Variants in PRSS36 observed in about 807,000 individuals in gnomAD.
The protein encoded by PRSS36 is serine protease 36.
PRSS36 carries 90 observed loss-of-function variants against 94.3 expected under a neutral mutation model. The ratio of observed to expected loss-of-function variants is 0.95; its 90% CI spans 0.80 to 1.14. The LOEUF (loss-of-function observed/expected upper bound fraction) is 1.14. Among genes scored for constraint, PRSS36 ranks in the 50% most tolerant of loss-of-function variants. PRSS36 has a pLI of 0.00. For missense variants in PRSS36, 1,158 were observed against 1,135.0 expected (o/e 1.02, Z -0.29); for synonymous variants, 500 against 489.6 (o/e 1.02, Z -0.28).
chr16:31,142,795 G>T lies in PRSS36; in HGVS notation c.1299C>A (p.His433Gln). The change falls in exon 9 of 15, where the codon CAC (histidine) becomes CAA (glutamine). Residue 433 changes from histidine to glutamine, a missense_variant. Transcript: ENST00000268281. ...TCCCGGGCAGGAAGTAGTGTTCCGG[G>T]TGGGGTAGGCACACGGGCCGCGAAG... Reference protein sequence around the residue: ...SAASRPVCLPHPEHYFLPGSR... With the variant: ...SAASRPVCLPQPEHYFLPGSR... The T allele has an allele frequency of 4.0e-6, 6 of 1,498,814 alleles. No homozygotes were observed. The highest frequency in any genetic ancestry group is 5.3e-6 in the Non-Finnish European group (6 of 1,123,100). 92.8% of individuals were successfully genotyped at this position (1,498,814 alleles called of 1,614,324 possible).
At chr16:31,142,350 C>A in intron 10 of PRSS36, 131 bp downstream of exon 10, 3 of 1,067,546 alleles carry the variant, frequency 2.8e-6, no homozygotes, top group Non-Finnish European at 3.9e-6. Context: ...TCCCTAGAGC[C>A]CACTCGGACC....
Position 31,141,952 on chromosome 16 carries a change from C to T in PRSS36, c.1530G>A (p.Ser510=). 6.2e-7 allele frequency: 1 copy of T among 1,614,042 alleles called. No individual in the cohort carries two copies. The highest frequency in any genetic ancestry group is 1.1e-5 in the South Asian group (1 of 91,090). Residue 510 remains serine, a synonymous_variant, in exon 11 of 15, where the codon TCG becomes TCA. Coordinates refer to ENST00000268281, the MANE Select transcript of PRSS36 (RefSeq NM_173502.5). The stretch of plus-strand genomic sequence containing the variant: ...CCTCCTGGCACAAAAGGCTCCAACG[C>T]GAGTCATTCTGCAGCAACAAAGTGT... ...KEEVGSCWND[S]RWSLLCQEEG... is the part of the protein sequence containing the mutation.
intron 5 of PRSS36, among the ~76,000 whole-genome samples, chr16:31,147,533 T>TGGGTGATGG (rs2057816118): frequency 6.6e-6 from 1 of 152,070 alleles, no homozygotes; most frequent in African/African-American, 2.4e-5. Context: ...ATGGAAAGCT[T>TGGGTGATGG]GGGTGATGGG....
chr16:31,139,357 G>A lies in PRSS36; in HGVS notation c.2349C>T (p.Gly783=), dbSNP rs778727776. Residue 783 remains glycine (G), a synonymous_variant, in exon 15 of 15, where the codon GGC becomes GGT. Transcript: ENST00000268281. ...GCTCCCGGCTCCCTTGAACAGCCAT[G>A]CCCACGAGGATCCAGGACCCTTCCG... The part of the protein sequence containing the change: ...QMTEGSWILV[G]MAVQGSRELF... 1.2e-6 allele frequency: 2 copies of A among 1,614,170 alleles called. No homozygotes were observed. Among genetic ancestry groups the A allele is most frequent in the East Asian group, 2.2e-5 (1 of 44,878 alleles).
Position 31,141,769 on chromosome 16 carries a change from C to T in PRSS36, c.1713G>A (p.Gly571=). ...GACAAGTCTGTGTCTCAGTCTCCTC[C>T]CCATCAGGGCCCCAATCCCAGGCTA... ...DQLAWDWGPD[G]EETETQTCPP... The change falls in exon 11 of 15, where the codon GGG becomes GGA. Residue 571 remains glycine (G), a synonymous_variant. Coordinates refer to ENST00000268281, the MANE Select transcript of PRSS36 (RefSeq NM_173502.5). The T allele has an allele frequency of 6.2e-7, 1 of 1,614,140 alleles. No homozygotes were observed.
chr16:31,148,761 G>T, intron 4 of PRSS36, 86 bp from the exon 5 acceptor site: 1 of 1,547,370 alleles, frequency 6.5e-7, no homozygotes, highest in Non-Finnish European at 8.8e-7. Context: ...AGAGCCAGAG[G>T]GGCAGGTGCT....
chr16:31,140,167 G>A (rs1018600208), intron 14 of PRSS36, 127 bp downstream of exon 14: 2 of 1,030,850 alleles, frequency 1.9e-6, no homozygotes, highest in African/African-American at 1.6e-5. Context: ...CTCCAGCTGG[G>A]GGACAGAGTG....
chr16:31,143,696 C>T lies in PRSS36; in HGVS notation c.862G>A (p.Glu288Lys). 1 of 1,614,180 alleles carries T rather than the reference C, an allele frequency of 6.2e-7. No homozygotes were observed. Residue 288 changes from glutamate (E) to lysine (K), a missense_variant, in exon 7 of 15, where the codon GAG becomes AAG. Glu to Lys is a moderately conservative substitution (Grantham distance 56, BLOSUM62 1). Coordinates refer to ENST00000268281, the MANE Select transcript of PRSS36 (RefSeq NM_173502.5). ...AVATYEAWIREQVMGSEPGPA... is the reference protein window; with the variant it reads ...AVATYEAWIRKQVMGSEPGPA... ...CCAGGCTCTGAACCCATCACCTGCTCCCGTATCCATGCCTCATAGGTAGCC... is the reference window on the plus strand; with the variant it reads ...CCAGGCTCTGAACCCATCACCTGCTTCCGTATCCATGCCTCATAGGTAGCC...
chr16:31,139,442 G>A (rs751085715), intron 14 of PRSS36, 26 bp from the exon 15 acceptor site: 1 of 1,600,344 alleles, frequency 6.2e-7, no homozygotes, highest in African/African-American at 1.3e-5. Flanking sequence ...GAGGCCACGT[G>A]GGTCTGCTGC....
rs575403674 is a variant in PRSS36 at position 31,147,334 on chromosome 16, G to C, written c.553+1061C>G. ...CTCCCTCTCTGGGTGCCCATTGTTAGGATGGCCTGGCCCCATTCACACAGA... is the reference window on the plus strand; with the variant it reads ...CTCCCTCTCTGGGTGCCCATTGTTACGATGGCCTGGCCCCATTCACACAGA... On this transcript the variant is annotated intron_variant, in intron 5 of 14. Coordinates refer to ENST00000268281, the MANE Select transcript of PRSS36 (RefSeq NM_173502.5). Among the ~76,000 whole-genome samples the C allele has an allele frequency of 3.9e-5, 6 of 152,248 alleles. No homozygotes were observed. In the South Asian group the frequency reaches 1.2e-3, roughly 32 times the overall value.
In PRSS36 at chr16:31,142,864, G is replaced by C. The variant is rs772129449; in HGVS notation, c.1230C>G (p.Asp410Glu). ...GCGTGCGCAGCTGCAGCAGCGCCAGGTCCGAGGCGTTGTCCCACGAAGCGT... is the reference window on the plus strand; with the variant it reads ...GCGTGCGCAGCTGCAGCAGCGCCAGCTCCGAGGCGTTGTCCCACGAAGCGT... ...HENASWDNAS[D>E]LALLQLRTPV... The change falls in exon 9 of 15, where the codon GAC (aspartate) becomes GAG (glutamate). Residue 410 changes from aspartate (D) to glutamate (E), a missense_variant. Physicochemically the swap from Asp to Glu is conservative, Grantham distance 45 (BLOSUM62 2). Coordinates refer to ENST00000268281, the MANE Select transcript of PRSS36 (RefSeq NM_173502.5). 103 of 1,561,076 alleles carry C rather than the reference G, an allele frequency of 6.6e-5. 1 individual carries two copies. The highest frequency in any genetic ancestry group is 7.9e-5 in the Non-Finnish European group (91 of 1,158,290).
At position 31,143,476 on chromosome 16, in the gene PRSS36, G is replaced by A. The variant is rs1471030050; in HGVS notation, c.971-5C>T. The A allele has an allele frequency of 6.2e-7, 1 of 1,606,174 alleles. No homozygotes were observed. Among genetic ancestry groups the A allele is most frequent in the Admixed American group, 1.7e-5 (1 of 58,934 alleles). ...GCCGCGGGGCCTTCCCGCACTCTGAGGGGTGAGAGGCCTGGGTCAGTGGGC... is the reference window on the plus strand; with the variant it reads ...GCCGCGGGGCCTTCCCGCACTCTGAAGGGTGAGAGGCCTGGGTCAGTGGGC... On this transcript the variant is annotated splice_region_variant and splice_polypyrimidine_tract_variant and intron_variant, in intron 7 of 14. Transcript: ENST00000268281.
intron 2 of PRSS36, 98 bp from the exon 3 acceptor site, chr16:31,149,596 C>A: frequency 6.2e-7 from 1 of 1,606,864 alleles, no homozygotes; most frequent in East Asian, 2.2e-5. Flanking sequence ...CCCTATCTTC[C>A]CACTTCCCTG....
chr16:31,140,150 C>T, intron 14 of PRSS36, 144 bp downstream of exon 14: 1 of 813,324 alleles, frequency 1.2e-6, no homozygotes, highest in South Asian at 2.8e-5. Context: ...GAGATCGCGC[C>T]ACTGCACTCC....
At chr16:31,149,341 C>G (rs1055227591) in intron 3 of PRSS36, 106 bp from the exon 4 acceptor site, 4 of 1,530,366 alleles carry the variant, frequency 2.6e-6, no homozygotes, top group Non-Finnish European at 2.7e-6. Context: ...CAGTTTGCCC[C>G]TCTGAACAAA....
At chr16:31,139,583 A>T (rs2057649050) in intron 14 of PRSS36, among the ~76,000 whole-genome samples, 167 bp from the exon 15 acceptor site, 1 of 152,136 alleles carries the variant, frequency 6.6e-6, no homozygotes, top group Admixed American at 6.5e-5. Flanking sequence ...CCAAATACCC[A>T]ATAATTCCAA....
At chr16:31,142,697 C>T (rs2057724837) in intron 9 of PRSS36, 40 bp downstream of exon 9, 1 of 1,347,154 alleles carries the variant, frequency 7.4e-7, no homozygotes, top group Non-Finnish European at 9.5e-7. Context: ...GCCCCTGCAC[C>T]GCCCGGTGCC....
chr16:31,148,491 G>A lies in PRSS36; in HGVS notation c.457C>T (p.Pro153Ser). 1.3e-6 allele frequency: 2 copies of A among 1,578,420 alleles called. No individual in the cohort carries two copies. Among genetic ancestry groups the A allele is most frequent in the Non-Finnish European group, 1.7e-6 (2 of 1,167,594 alleles). Residue 153 changes from proline to serine, a missense_variant, in exon 5 of 15, where the codon CCC becomes TCC. Transcript: ENST00000268281. ...LRLASPASLG[P>S]AVWPVCLPRA... is the part of the protein sequence containing the mutation. ...GGCAGGCAGACAGGCCACACGGCGGGGCCCAGGCTGGCGGGTGAGGCCAGG... is the reference window on the plus strand; with the variant it reads ...GGCAGGCAGACAGGCCACACGGCGGAGCCCAGGCTGGCGGGTGAGGCCAGG...
Position 31,139,260 on chromosome 16 carries a change from T to C in PRSS36, c.2446A>G (p.Ser816Gly), listed in dbSNP as rs1476300869. The change falls in exon 15 of 15, where the codon AGT becomes GGT. Residue 816 changes from serine to glycine, a missense_variant. Transcript: ENST00000268281. ...CCAGTGGGCCAGTGTGGGGAGCCAC[T>C]GGGGGGCAGGAAGTTGGCCTCTCCC... is the stretch of plus-strand genomic sequence containing the variant. ...TVGEANFLPP[S>G]GSPHWPTGGS... 6.2e-7 allele frequency: 1 copy of C among 1,614,096 alleles called. No homozygotes were observed. Among genetic ancestry groups the C allele is most frequent in the Admixed American group, 1.7e-5 (1 of 60,016 alleles).
Sources: gnomAD v4.1 joint callset for allele counts (sites outside exome capture counted in the v4.1 genomes callset) on GRCh38, gnomAD v4.1.1 for gene constraint, MANE v1.5 for transcripts, NCBI Gene and HGNC (gene_info 2026-07-23, HGNC 2026-07-21) for gene names.